The following CAMK2D variants were observed in gnomAD, a reference collection of about 807,000 sequenced individuals.
CAMK2D encodes the protein calcium/calmodulin-dependent protein kinase type II subunit delta.
CAMK2D carries 37 observed loss-of-function variants against 84.0 expected under a neutral mutation model. The observed-to-expected ratio is 0.44, with a 90% CI of 0.34 to 0.58. The LOEUF is 0.58. Among genes scored for constraint, CAMK2D ranks in the 20% least tolerant of loss-of-function variants. The probability of loss-of-function intolerance (pLI) is 0.02; values close to 1 mark genes in which losing one functional copy is unlikely to be tolerated. For synonymous variants in CAMK2D, 202 were observed against 212.5 expected (o/e 0.95, Z 0.43); for missense variants, 448 against 652.5 (o/e 0.69, Z 3.41).
rs188174696 is a variant in CAMK2D, at chr4:113,528,623, C to T, written c.601+2593G>A. On this transcript the variant is annotated intron_variant, in intron 8 of 20. Transcript: ENST00000511664. Reference sequence around the variant, plus strand: ...ACTGACTATTGTATGCCACACTATCCCTCTAGTGTTCAAGGTCCAAATGCA... The same window carrying T: ...ACTGACTATTGTATGCCACACTATCTCTCTAGTGTTCAAGGTCCAAATGCA... Among the ~76,000 whole-genome samples the T allele has an allele frequency of 4.6e-3, 692 of 151,938 alleles. 4 individuals carry two copies. The highest frequency in any genetic ancestry group is 7.6e-3 in the Non-Finnish European group (514 of 67,976).
chr4:113,741,650 AT>A (rs949980632), intron 2 of CAMK2D, among the ~76,000 whole-genome samples: 1 of 152,222 alleles, frequency 6.6e-6, no homozygotes, highest in African/African-American at 2.4e-5. Context: ...CCAGAGAGAT[AT>A]TTTTTAAAAC....
At chr4:113,525,603 T>C (rs1329652538) in intron 8 of CAMK2D, among the ~76,000 whole-genome samples, 1 of 152,194 alleles carries the variant, frequency 6.6e-6, no homozygotes, top group African/African-American at 2.4e-5. Context: ...CAAGGTAATG[T>C]TGGAATTCGA....
At chr4:113,703,030 C>CCAGT (rs1455440966) in intron 2 of CAMK2D, among the ~76,000 whole-genome samples, 1 of 152,090 alleles carries the variant, frequency 6.6e-6, no homozygotes, top group Admixed American at 6.5e-5. Context: ...CTACATACAG[C>CCAGT]CAGTAGCTGC....
chr4:113,462,334 G>GTCTATCTA lies in CAMK2D; in HGVS notation c.1212-2094_1212-2093insTAGATAGA, dbSNP rs1164998007. ...TGTCTGTCTGTCTGTCTGTCTGTCTGTCTGTCTATCTATCTATCTATCTAT... is the reference window on the plus strand; with the variant it reads ...TGTCTGTCTGTCTGTCTGTCTGTCTGTCTATCTATCTGTCTATCTATCTATCTATCTAT... On this transcript the variant is annotated intron_variant, in intron 17 of 20. Coordinates refer to ENST00000511664, the MANE Select transcript of CAMK2D (RefSeq NM_001321571.2). Among the ~76,000 whole-genome samples, 1,016 of 129,612 alleles carry GTCTATCTA rather than the reference G, an allele frequency of 7.8e-3. 14 individuals are homozygous for GTCTATCTA. Among genetic ancestry groups the GTCTATCTA allele is most frequent in the South Asian group, 0.015 (57 of 3,758 alleles). The allele number at this position is 129,612 out of a possible 152,430, so 85.0% of individuals were successfully genotyped here.
intron 6 of CAMK2D, among the ~76,000 whole-genome samples, chr4:113,543,950 C>G (rs1414384171): frequency 6.6e-6 from 1 of 151,996 alleles, no homozygotes; most frequent in African/African-American, 2.4e-5. Flanking sequence ...CGCCACCACG[C>G]CCCGCTAATT....
chr4:113,468,858 C>T (rs1247711989), intron 16 of CAMK2D, among the ~76,000 whole-genome samples: 1 of 152,176 alleles, frequency 6.6e-6, no homozygotes, highest in Non-Finnish European at 1.5e-5. Flanking sequence ...TCTTCCACTC[C>T]AGAGCTAGCC....
rs1039843450 is a variant in CAMK2D at position 113,531,883 on chromosome 4, A to G, written c.518-584T>C. 2.0e-5 allele frequency among the ~76,000 whole-genome samples: 3 copies of G among 152,208 alleles called. No individual in the cohort carries two copies. In the South Asian group the frequency reaches 6.2e-4, roughly 31 times the overall value. Reference sequence around the variant, plus strand: ...ATTATACATATTGGTATAGAATTCAATAAGTTACACTTAGAAACAATTTAT... The same window carrying G: ...ATTATACATATTGGTATAGAATTCAGTAAGTTACACTTAGAAACAATTTAT... On this transcript the variant is annotated intron_variant, in intron 7 of 20. Transcript: ENST00000511664.
chr4:113,606,857 C>T (rs1156515671), intron 4 of CAMK2D, among the ~76,000 whole-genome samples: 1 of 151,830 alleles, frequency 6.6e-6, no homozygotes, highest in Non-Finnish European at 1.5e-5. Flanking sequence ...AAACCAAAGA[C>T]AACGAGAAAA....
chr4:113,529,539 G>A (rs1218422112), intron 8 of CAMK2D, among the ~76,000 whole-genome samples: 1 of 152,158 alleles, frequency 6.6e-6, no homozygotes, highest in Non-Finnish European at 1.5e-5. Flanking sequence ...ATAGTATCAG[G>A]AATTTAGGTG....
At chr4:113,560,027 G>C (rs2098690727) in intron 4 of CAMK2D, among the ~76,000 whole-genome samples, 1 of 152,146 alleles carries the variant, frequency 6.6e-6, no homozygotes. Flanking sequence ...TCATTTATCA[G>C]TCTTCAATAC....
At chr4:113,561,272 G>A (rs1443316553) in intron 4 of CAMK2D, among the ~76,000 whole-genome samples, 4 of 152,082 alleles carry the variant, frequency 2.6e-5, no homozygotes, top group Admixed American at 6.5e-5. Context: ...TTGAGCCCAG[G>A]AATTCAGTCT....
At chr4:113,479,643 A>C (rs569757956) in intron 16 of CAMK2D, among the ~76,000 whole-genome samples, 1 of 152,222 alleles carries the variant, frequency 6.6e-6, no homozygotes, top group Non-Finnish European at 1.5e-5. Context: ...AGCAAAAATG[A>C]ACTTGTTTTC....
In CAMK2D at chr4:113,761,607, T is replaced by TC; in HGVS notation, c.-540dup. On this transcript the variant is annotated 5_prime_UTR_variant, in exon 1 of 21. Coordinates refer to ENST00000511664, the MANE Select transcript of CAMK2D (RefSeq NM_001321571.2). ...GCTCAGGCGCGGGGCGCGCCGGGGCTCCGACGAGCGTGCGCGCCCGAGGCC... is the reference window on the plus strand; with the variant it reads ...GCTCAGGCGCGGGGCGCGCCGGGGCTCCCGACGAGCGTGCGCGCCCGAGGCC... 1 of 984,928 alleles carries TC rather than the reference T, an allele frequency of 1.0e-6. No individual in the cohort carries two copies. Among genetic ancestry groups the TC allele is most frequent in the Non-Finnish European group, 1.2e-6 (1 of 829,742 alleles). The allele number at this position is 984,928 out of a possible 1,614,324, so 61.0% of individuals were successfully genotyped here.
chr4:113,598,844 T>C (rs1337994529), intron 4 of CAMK2D, among the ~76,000 whole-genome samples: 1 of 152,138 alleles, frequency 6.6e-6, no homozygotes, highest in Non-Finnish European at 1.5e-5. Flanking sequence ...ATTTTTGTCT[T>C]TTTAGTAGAG....
intron 2 of CAMK2D, among the ~76,000 whole-genome samples, chr4:113,694,494 A>G (rs1321331766): frequency 1.3e-5 from 2 of 152,180 alleles, no homozygotes; most frequent in Non-Finnish European, 1.5e-5. Flanking sequence ...TGGAGTTTAT[A>G]AGAGGCTCTT....
At chr4:113,605,042 A>G (rs1458257857) in intron 4 of CAMK2D, among the ~76,000 whole-genome samples, 1 of 152,230 alleles carries the variant, frequency 6.6e-6, no homozygotes, top group Non-Finnish European at 1.5e-5. Flanking sequence ...ACAGATATAG[A>G]GAGAATTATC....
chr4:113,679,783 C>T (rs2154334018), intron 2 of CAMK2D, among the ~76,000 whole-genome samples: 1 of 152,236 alleles, frequency 6.6e-6, no homozygotes, highest in East Asian at 1.9e-4. Context: ...AGGTGTCAGA[C>T]TTACTAGTTT....
At chr4:113,487,366 A>C (rs1363619128) in intron 16 of CAMK2D, among the ~76,000 whole-genome samples, 8 of 152,170 alleles carry the variant, frequency 5.3e-5, no homozygotes, top group Admixed American at 5.2e-4. Context: ...ATAACTTTAC[A>C]TAATTTATAG....
chr4:113,566,902 G>A (rs1274010755), intron 4 of CAMK2D, among the ~76,000 whole-genome samples: 2 of 152,028 alleles, frequency 1.3e-5, no homozygotes, highest in Non-Finnish European at 2.9e-5. Flanking sequence ...GGTTTCTTTG[G>A]TCATTTACTC....
Sources: gnomAD v4.1 joint callset for allele counts (sites outside exome capture counted in the v4.1 genomes callset) on GRCh38, gnomAD v4.1.1 for gene constraint, MANE v1.5 for transcripts, NCBI Gene and HGNC (gene_info 2026-07-23, HGNC 2026-07-21) for gene names.